Variants in COG3 observed in about 807,000 individuals in gnomAD.
The protein encoded by COG3 is component of oligomeric golgi complex 3.
Under a neutral mutation model 114.1 loss-of-function variants are expected in COG3, and 32 were observed. The ratio of observed to expected loss-of-function variants is 0.28; its 90% CI spans 0.21 to 0.38. The LOEUF is 0.38. Among genes scored for constraint, COG3 ranks in the 10% least tolerant of loss-of-function variants. The pLI, the probability that COG3 is intolerant of heterozygous loss-of-function variation, is 1.00. For synonymous variants in COG3, 352 were observed against 365.7 expected (o/e 0.96, Z 0.43); for missense variants, 813 against 973.2 (o/e 0.84, Z 2.19).
intron 2 of COG3, among the ~76,000 whole-genome samples, chr13:45,477,386 G>A (rs542295794): frequency 1.7e-4 from 26 of 152,036 alleles, no homozygotes; most frequent in Non-Finnish European, 3.7e-4. Flanking sequence ...CTAATATGCT[G>A]ACTTATAATT....
intron 13 of COG3, among the ~76,000 whole-genome samples, chr13:45,499,224 C>T (rs1869193094): frequency 6.6e-6 from 1 of 152,106 alleles, no homozygotes; most frequent in South Asian, 2.1e-4. Flanking sequence ...AGAAGAAACC[C>T]TGGCTCCTAG....
At chr13:45,471,796 G>A (rs961407844) in intron 1 of COG3, among the ~76,000 whole-genome samples, 5 of 151,784 alleles carry the variant, frequency 3.3e-5, no homozygotes, top group African/African-American at 1.2e-4. Context: ...GCAATGGCGC[G>A]ATCTCGGCTC....
At position 45,481,213 on chromosome 13, in the gene COG3, CT is replaced by C; in HGVS notation, c.550-13del. The C allele has an allele frequency of 6.8e-7, 1 of 1,474,378 alleles. No homozygotes were observed. The highest frequency in any genetic ancestry group is 9.4e-7 in the Non-Finnish European group (1 of 1,064,736). The allele number at this position is 1,474,378 out of a possible 1,614,324, so 91.3% of individuals were successfully genotyped here. On this transcript the variant is annotated splice_polypyrimidine_tract_variant and intron_variant, in intron 4 of 22. Coordinates refer to ENST00000349995, the MANE Select transcript of COG3 (RefSeq NM_031431.4). ...TATTCTTATAATAATTGATTTTTCT[CT>C]TTTAAAAAATGCAAGTCGGAACTTG...
chr13:45,534,772 G>C lies in COG3; in HGVS notation c.*41G>C. On this transcript the variant is annotated 3_prime_UTR_variant, in exon 23 of 23. Transcript: ENST00000349995. The stretch of plus-strand genomic sequence containing the variant: ...TGTGCACCTAAATGTCTGTCTGGGA[G>C]GAGCAGGCTGAGAAGTCTTGCAGTC... 1 of 1,540,658 alleles carries C rather than the reference G, an allele frequency of 6.5e-7. No homozygotes were observed. Among genetic ancestry groups the C allele is most frequent in the South Asian group, 1.2e-5 (1 of 81,448 alleles).
chr13:45,525,579 G>C (rs1024685959), intron 20 of COG3, among the ~76,000 whole-genome samples: 16 of 77,708 alleles, frequency 2.1e-4, no homozygotes, highest in African/African-American at 5.5e-4. Flanking sequence ...TATTTGAGAT[G>C]TTCCCAGTCT....
chr13:45,467,580 G>C (rs1013175620), intron 1 of COG3, among the ~76,000 whole-genome samples: 1 of 150,444 alleles, frequency 6.6e-6, no homozygotes, highest in Non-Finnish European at 1.5e-5. Context: ...TGGGTGACAG[G>C]CAAGATTCTG....
At chr13:45,479,482 C>T (rs1244537423) in intron 3 of COG3, among the ~76,000 whole-genome samples, 5 of 151,944 alleles carry the variant, frequency 3.3e-5, no homozygotes, top group Admixed American at 6.6e-5. Flanking sequence ...GAAATGTTGA[C>T]GGCTGATTTG....
chr13:45,529,207 A>G (rs8002020), intron 20 of COG3, among the ~76,000 whole-genome samples: 22,242 of 152,132 alleles, frequency 0.15, 2,597 homozygotes, highest in African/African-American at 0.32. Context: ...CTTCCTACAG[A>G]TTACTACTCT....
At chr13:45,495,612 T>C (rs1479494757) in intron 12 of COG3, among the ~76,000 whole-genome samples, 1 of 151,998 alleles carries the variant, frequency 6.6e-6, no homozygotes, top group Non-Finnish European at 1.5e-5. Flanking sequence ...ACTCCTGGGC[T>C]CCAGTGATCT....
chr13:45,489,580 T>A (rs968281437), intron 8 of COG3, among the ~76,000 whole-genome samples: 1 of 152,162 alleles, frequency 6.6e-6, no homozygotes, highest in African/African-American at 2.4e-5. Flanking sequence ...AGTAACAAAT[T>A]AATATATGTG....
intron 13 of COG3, among the ~76,000 whole-genome samples, chr13:45,502,373 T>C (rs1302288970): frequency 6.6e-6 from 1 of 152,240 alleles, no homozygotes; most frequent in East Asian, 1.9e-4. Flanking sequence ...GGTATGTTTA[T>C]TCAGTCATTA....
chr13:45,525,713 T>C (rs1205283120), intron 20 of COG3, among the ~76,000 whole-genome samples: 1 of 150,802 alleles, frequency 6.6e-6, no homozygotes, highest in African/African-American at 2.4e-5. Flanking sequence ...TTGGTACCTC[T>C]TGCGGCATTT....
At chr13:45,505,736 G>A (rs1768949015) in intron 14 of COG3, among the ~76,000 whole-genome samples, 1 of 152,084 alleles carries the variant, frequency 6.6e-6, no homozygotes, top group African/African-American at 2.4e-5. Context: ...TGGGATTACA[G>A]GCATGGGCCA....
At chr13:45,525,633 G>GTTTTTTTTTTTTTTT (rs1566273037) in intron 20 of COG3, among the ~76,000 whole-genome samples, 4 of 13,928 alleles carry the variant, frequency 2.9e-4, no homozygotes, top group African/African-American at 1.4e-3. Context: ...GAGGGCTTTG[G>GTTTTTTTTTTTTTTT]GTTTTTTTTT....
chr13:45,466,598 C>A (rs1026189439), intron 1 of COG3: 1 of 152,116 alleles, frequency 6.6e-6, no homozygotes, highest in African/African-American at 2.4e-5. Flanking sequence ...CTCTTTTATA[C>A]CCTGGATAAT....
At chr13:45,492,280 C>A (rs1887064531) in intron 11 of COG3, 30 bp downstream of exon 11, 4 of 1,341,336 alleles carry the variant, frequency 3.0e-6, no homozygotes, top group South Asian at 2.4e-5. Context: ...AACTCTTGTT[C>A]ATAAAATTTA....
Position 45,535,250 on chromosome 13 carries a change from T to G in COG3, c.*519T>G, listed in dbSNP as rs907178282. On this transcript the variant is annotated 3_prime_UTR_variant, in exon 23 of 23. Transcript: ENST00000349995. ...TGAAGTTGAGTTTGGAGTAGATTGG[T>G]TGCTTCTGAGAACACATTCTGCCTT... 1 of 985,394 alleles carries G rather than the reference T, an allele frequency of 1.0e-6. No homozygotes were observed. The highest frequency in any genetic ancestry group is 1.7e-5 in the African/African-American group (1 of 57,228). 61.0% of individuals were successfully genotyped at this position (985,394 alleles called of 1,614,324 possible).
intron 14 of COG3, 124 bp from the exon 15 acceptor site, chr13:45,509,568 A>G: frequency 8.6e-7 from 1 of 1,160,840 alleles, no homozygotes; most frequent in Non-Finnish European, 1.2e-6. Flanking sequence ...GAGGTGGGAA[A>G]AAATTGGTGC....
intron 15 of COG3, among the ~76,000 whole-genome samples, chr13:45,510,869 A>G (rs1415867895): frequency 1.3e-5 from 2 of 152,262 alleles, no homozygotes; most frequent in Non-Finnish European, 1.5e-5. Flanking sequence ...AGGCAGGGTT[A>G]GTGACCCAGC....
Sources: allele counts gnomAD v4.1 joint callset (sites outside exome capture counted in the v4.1 genomes callset), GRCh38; gene constraint gnomAD v4.1.1; transcripts MANE v1.5; gene names NCBI Gene and HGNC (gene_info 2026-07-23, HGNC 2026-07-21).